The following ARID2 variants were observed in gnomAD, a reference collection of about 807,000 sequenced individuals.
ARID2 encodes the protein AT-rich interactive domain-containing protein 2.
ARID2 carries 32 observed loss-of-function variants against 184.6 expected under a neutral mutation model. That is an observed-to-expected ratio of 0.17 (90% CI 0.13 to 0.23). The LOEUF (loss-of-function observed/expected upper bound fraction) is 0.23. ARID2 is among the 10% of genes least tolerant of loss of function. ARID2 has a pLI of 1.00. For missense variants in ARID2, 1,696 were observed against 2,197.6 expected, an observed-to-expected ratio of 0.77 and a Z score of 4.56; for synonymous variants, 836 against 772.6, an observed-to-expected ratio of 1.08 and a Z score of -1.36.
Position 45,850,898 on chromosome 12 carries a change from C to G in ARID2, c.2775C>G (p.Ser925Arg), listed in dbSNP as rs756256002. The change falls in exon 15 of 21, where the codon AGC (serine) becomes AGG (arginine). Residue 925 changes from serine (S) to arginine (R), a missense_variant. By Grantham distance (110) the Ser-to-Arg change is moderately radical (BLOSUM62 -1). Transcript: ENST00000334344. ...IQQPQQPTQQ[S>R]VVIVSQPAQQ... ...AACCACAGCAGCCAACCCAACAAAG[C>G]GTAGTGATTGTAAGCCAGCCAGCTC... The G allele has an allele frequency of 6.2e-7, 1 of 1,614,116 alleles. No homozygotes were observed. Among genetic ancestry groups the G allele is most frequent in the South Asian group, 1.1e-5 (1 of 91,082 alleles).
At chr12:45,825,187 G>C (rs1435354075) in intron 6 of ARID2, among the ~76,000 whole-genome samples, 3 of 152,130 alleles carry the variant, frequency 2.0e-5, no homozygotes, top group East Asian at 3.9e-4. Flanking sequence ...TAGGACAGTA[G>C]CATGACTATA....
chr12:45,802,157 TC>T (rs1332684358), intron 3 of ARID2, among the ~76,000 whole-genome samples: 2 of 144,862 alleles, frequency 1.4e-5, no homozygotes, highest in Admixed American at 6.9e-5. Context: ...TCCTCAACCT[TC>T]CGGGCTTAAG....
In ARID2 at chr12:45,894,724, G is replaced by GT. The variant is rs1269951543; in HGVS notation, c.5363+1011dup. Among the ~76,000 whole-genome samples, 9 of 151,864 alleles carry GT rather than the reference G, an allele frequency of 5.9e-5. No individual in the cohort carries two copies. In the East Asian group the frequency reaches 1.2e-3, roughly 20 times the overall value. On this transcript the variant is annotated intron_variant, in intron 20 of 20. Coordinates refer to ENST00000334344, the MANE Select transcript of ARID2 (RefSeq NM_152641.4). ...GGAAAATTTTTAACACTTGAGCCAA[G>GT]TTTTTTTTAGAAAAAAAAGAAATAT... is the stretch of plus-strand genomic sequence containing the variant.
chr12:45,737,128 T>A (rs1941143319), intron 3 of ARID2, among the ~76,000 whole-genome samples: 1 of 152,254 alleles, frequency 6.6e-6, no homozygotes, highest in Non-Finnish European at 1.5e-5. Context: ...TTCATTTGAC[T>A]AAATACATTG....
intron 3 of ARID2, among the ~76,000 whole-genome samples, chr12:45,808,656 A>T (rs958651414): frequency 6.6e-6 from 1 of 151,834 alleles, no homozygotes; most frequent in African/African-American, 2.4e-5. Flanking sequence ...TCTGGGAGGG[A>T]CGAGTTCCTG....
intron 16 of ARID2, chr12:45,881,502 A>C (rs1038805162): frequency 6.5e-6 from 1 of 152,702 alleles, no homozygotes; most frequent in Non-Finnish European, 1.5e-5. Flanking sequence ...CTTTGCTGTG[A>C]CCTTAGGGCC....
At chr12:45,863,613 ACTTT>A (rs1330257095) in intron 16 of ARID2, among the ~76,000 whole-genome samples, 4 of 151,664 alleles carry the variant, frequency 2.6e-5, no homozygotes, top group Non-Finnish European at 4.4e-5. Flanking sequence ...AAACCAGAAA[ACTTT>A]CTTTGTTTCC....
chr12:45,738,630 A>G (rs1053656133), intron 3 of ARID2, among the ~76,000 whole-genome samples: 1 of 152,082 alleles, frequency 6.6e-6, no homozygotes, highest in Non-Finnish European at 1.5e-5. Flanking sequence ...TTTTATTTTT[A>G]TCATTTCAAA....
At chr12:45,892,118 C>T in intron 18 of ARID2, 22 bp downstream of exon 18, 1 of 1,602,422 alleles carries the variant, frequency 6.2e-7, no homozygotes, top group Non-Finnish European at 8.5e-7. Flanking sequence ...GAGTTTACTT[C>T]CTGTTGTACA....
intron 16 of ARID2, among the ~76,000 whole-genome samples, chr12:45,861,265 G>A (rs771515302): frequency 1.2e-4 from 19 of 152,060 alleles, no homozygotes; most frequent in Non-Finnish European, 2.1e-4. Flanking sequence ...TGTTTTTGTC[G>A]TTTTTAAGTG....
At chr12:45,799,295 A>G (rs1942451294) in intron 3 of ARID2, among the ~76,000 whole-genome samples, 1 of 152,098 alleles carries the variant, frequency 6.6e-6, no homozygotes, top group Non-Finnish European at 1.5e-5. Context: ...TTTGTCATGC[A>G]TTGATTGGAA....
intron 16 of ARID2, among the ~76,000 whole-genome samples, chr12:45,865,072 C>G (rs1243521896): frequency 6.6e-6 from 1 of 152,108 alleles, no homozygotes; most frequent in Non-Finnish European, 1.5e-5. Context: ...CATTTTCGGT[C>G]AGTGAAAGCC....
At chr12:45,761,596 C>G (rs1376689152) in intron 3 of ARID2, among the ~76,000 whole-genome samples, 1 of 151,988 alleles carries the variant, frequency 6.6e-6, no homozygotes, top group African/African-American at 2.4e-5. Flanking sequence ...ATCAGTTTGA[C>G]CCTGCTCTTT....
At chr12:45,847,376 A>T (rs1210704474) in intron 12 of ARID2, among the ~76,000 whole-genome samples, 2 of 152,068 alleles carry the variant, frequency 1.3e-5, no homozygotes, top group African/African-American at 2.4e-5. Context: ...AAAACTTCTT[A>T]TTCTTTAATA....
At chr12:45,767,661 T>C (rs1361214557) in intron 3 of ARID2, among the ~76,000 whole-genome samples, 9 of 152,192 alleles carry the variant, frequency 5.9e-5, no homozygotes, top group Non-Finnish European at 1.3e-4. Context: ...AGACTCTGTT[T>C]CTTGAAACAA....
intron 3 of ARID2, among the ~76,000 whole-genome samples, chr12:45,741,287 C>G (rs1438151557): frequency 1.3e-5 from 2 of 152,116 alleles, no homozygotes; most frequent in African/African-American, 4.8e-5. Flanking sequence ...CAGCCTTGAC[C>G]TTCCAGCTCA....
intron 5 of ARID2, among the ~76,000 whole-genome samples, chr12:45,818,606 A>G (rs945692337): frequency 2.6e-5 from 4 of 152,162 alleles, no homozygotes; most frequent in African/African-American, 9.7e-5. Flanking sequence ...CTATTCAAGA[A>G]TAAGGTATTG....
At position 45,906,448 on chromosome 12, in the gene ARID2, A is replaced by G; in HGVS notation, c.*1370A>G. On this transcript the variant is annotated 3_prime_UTR_variant, in exon 21 of 21. Transcript: ENST00000334344. ...TTTCTGCTGTGTCCTTAGGATGTGC[A>G]GTAAAAAATATAGACCTAACAGTTT... 2 of 232,984 alleles carry G rather than the reference A, an allele frequency of 8.6e-6. No individual in the cohort carries two copies. The highest frequency in any genetic ancestry group is 1.2e-4 in the East Asian group (2 of 16,388). The allele number at this position is 232,984 out of a possible 1,614,324, so 14.4% of individuals were successfully genotyped here.
chr12:45,801,488 G>GT (rs1942501174), intron 3 of ARID2, among the ~76,000 whole-genome samples: 1 of 152,160 alleles, frequency 6.6e-6, no homozygotes, highest in South Asian at 2.1e-4. Context: ...ACTTCATAGT[G>GT]TGATAACCTA....
Sources: gnomAD v4.1 joint callset for allele counts (sites outside exome capture counted in the v4.1 genomes callset) on GRCh38, gnomAD v4.1.1 for gene constraint, MANE v1.5 for transcripts, NCBI Gene and HGNC (gene_info 2026-07-23, HGNC 2026-07-21) for gene names.